Variants in ZNF875 observed in about 807,000 individuals in gnomAD.
The protein encoded by ZNF875 is zinc finger protein 875, also known as HKR1, GLI-Kruppel zinc finger family member.
In ZNF875, 14 loss-of-function variants were observed where a neutral mutation model predicts 11.2. That is an observed-to-expected ratio of 1.26 (90% CI 0.83 to 1.96). ZNF875 has a LOEUF of 1.96. Ranked by LOEUF, ZNF875 falls within the 30% of genes most tolerant of loss-of-function variation. The probability of loss-of-function intolerance (pLI) is 0.00; values close to 1 mark genes in which losing one functional copy is unlikely to be tolerated. For synonymous variants in ZNF875, 301 were observed against 281.1 expected (o/e 1.07, Z -0.71); for missense variants, 752 against 760.4 (o/e 0.99, Z 0.13).
rs749094008 is a variant in ZNF875, at chr19:37,347,195, C to G, written c.39C>G (p.Phe13Leu). The change falls in exon 3 of 5, where the codon TTC (phenylalanine) becomes TTG (leucine). Residue 13 changes from phenylalanine to leucine, a missense_variant. Transcript: ENST00000392153. ...TGLLRAKKEA[F>L]VAFRDVAVYF... The stretch of plus-strand genomic sequence containing the variant: ...AGGTGTGTTTTGTGTTAAAGGCGTT[C>G]GTGGCATTCAGGGATGTGGCTGTGT... The G allele has an allele frequency of 3.7e-6, 6 of 1,613,952 alleles. No individual in the cohort carries two copies. The South Asian group carries it at 6.6e-5, about 18-fold the overall frequency.
chr19:37,363,980 C>G lies in ZNF875; in HGVS notation c.*205C>G, dbSNP rs955206361. 1.8e-6 allele frequency: 1 copy of G among 564,384 alleles called. No homozygotes were observed. Among genetic ancestry groups the G allele is most frequent in the Non-Finnish European group, 3.2e-6 (1 of 315,906 alleles). 35.0% of individuals were successfully genotyped at this position (564,384 alleles called of 1,614,324 possible). A position where few individuals can be genotyped will look rare whatever the true frequency, so the allele number is the denominator to read the frequency against. On this transcript the variant is annotated 3_prime_UTR_variant, in exon 5 of 5. Coordinates refer to ENST00000392153, the MANE Select transcript of ZNF875 (RefSeq NM_001353803.2). ...TGAAGGAGAATTGCTGGCTCATTTT[C>G]AGGAGCCCTGCCCTTCCTCACTGTG...
intron 4 of ZNF875, chr19:37,324,294 T>G (rs941590189): frequency 6.6e-6 from 1 of 152,158 alleles, no homozygotes; most frequent in Non-Finnish European, 1.5e-5. Context: ...TCACCTGTGT[T>G]GTCTTCTAAT....
Position 37,362,307 on chromosome 19 carries a change from C to T in ZNF875, c.455C>T (p.Ala152Val), listed in dbSNP as rs1484730815. ...GATCCATTCTGCTTTAGTGGCAAAGCAGAATGGATTCAAGAGGGAGAAGAC... is the reference window on the plus strand; with the variant it reads ...GATCCATTCTGCTTTAGTGGCAAAGTAGAATGGATTCAAGAGGGAGAAGAC... ...QQDPFCFSGK[A>V]EWIQEGEDSR... is the part of the protein sequence containing the mutation. The change falls in exon 5 of 5, where the codon GCA becomes GTA. Residue 152 changes from alanine (A) to valine (V), a missense_variant. Coordinates refer to ENST00000392153, the MANE Select transcript of ZNF875 (RefSeq NM_001353803.2). The T allele has an allele frequency of 1.2e-6, 2 of 1,614,080 alleles. No homozygotes were observed. Among genetic ancestry groups the T allele is most frequent in the Non-Finnish European group, 1.7e-6 (2 of 1,180,006 alleles).
chr19:37,331,650 C>T (rs1441860188), upstream of ZNF875, among the ~76,000 whole-genome samples: 2 of 148,134 alleles, frequency 1.4e-5, no homozygotes, highest in African/African-American at 2.5e-5. Flanking sequence ...CATCACCACT[C>T]CCTAATCTCA....
chr19:37,363,782 T>A lies in ZNF875; in HGVS notation c.*7T>A, dbSNP rs1353870088. The A allele has an allele frequency of 6.2e-7, 1 of 1,609,684 alleles. No homozygotes were observed. The highest frequency in any genetic ancestry group is 1.1e-5 in the South Asian group (1 of 90,940). ...GAGGACACACTCAGGATAGAAACTT[T>A]ATGTGTATAGGGAATGTGGTACAGC... On this transcript the variant is annotated 3_prime_UTR_variant, in exon 5 of 5. Coordinates refer to ENST00000392153, the MANE Select transcript of ZNF875 (RefSeq NM_001353803.2).
chr19:37,350,707 T>A (rs2037713452), intron 4 of ZNF875, among the ~76,000 whole-genome samples: 1 of 151,490 alleles, frequency 6.6e-6, no homozygotes, highest in Non-Finnish European at 1.5e-5. Context: ...AACTCTTCTA[T>A]CACTACAAAG....
chr19:37,326,027 G>T (rs931200625), intron 4 of ZNF875, among the ~76,000 whole-genome samples: 21 of 151,744 alleles, frequency 1.4e-4, no homozygotes, highest in African/African-American at 4.8e-4. Context: ...TTTTTCTGAA[G>T]AGATGAGGTC....
At chr19:37,342,936 C>T (rs2036028075) in intron 2 of ZNF875, among the ~76,000 whole-genome samples, 1 of 152,202 alleles carries the variant, frequency 6.6e-6, no homozygotes, top group Non-Finnish European at 1.5e-5. Context: ...TTCCTGGATG[C>T]TTTCCAAGCC....
At chr19:37,352,928 GCA>G in intron 4 of ZNF875, among the ~76,000 whole-genome samples, 1 of 134,068 alleles carries the variant, frequency 7.5e-6, no homozygotes, top group African/African-American at 2.9e-5. Context: ...AGACTGGAGT[GCA>G]GTGGTGAGAT....
At chr19:37,336,373 C>G (rs1313851833) in intron 2 of ZNF875, among the ~76,000 whole-genome samples, 25 of 149,480 alleles carry the variant, frequency 1.7e-4, no homozygotes. Context: ...CATCTCGGCT[C>G]GCTGCAGACT....
chr19:37,328,959 A>T (rs1194769442), intron 4 of ZNF875: 3 of 152,120 alleles, frequency 2.0e-5, no homozygotes. Context: ...TATCAGTAGC[A>T]CCTGAAAATC....
In ZNF875 at chr19:37,363,238, G is replaced by T. The variant is rs1331030378; in HGVS notation, c.1386G>T (p.Lys462Asn). The T allele has an allele frequency of 1.2e-6, 2 of 1,613,992 alleles. No individual in the cohort carries two copies. The highest frequency in any genetic ancestry group is 1.7e-5 in the Admixed American group (1 of 60,002). Reference protein sequence around the residue: ...CLECGQCFSLKSNLNKHQRSH... With the variant: ...CLECGQCFSLNSNLNKHQRSH... ...AGTGCGGGCAGTGCTTTAGCCTGAA[G>T]TCAAACCTTAACAAACACCAGAGGT... The change falls in exon 5 of 5, where the codon AAG (lysine) becomes AAT (asparagine). Residue 462 changes from lysine (K) to asparagine (N), a missense_variant. Lys to Asn is a moderately conservative substitution (Grantham distance 94, BLOSUM62 0). Coordinates refer to ENST00000392153, the MANE Select transcript of ZNF875 (RefSeq NM_001353803.2).
At chr19:37,328,076 T>A (rs2145782195) in intron 4 of ZNF875, among the ~76,000 whole-genome samples, 1 of 152,100 alleles carries the variant, frequency 6.6e-6, no homozygotes, top group African/African-American at 2.4e-5. Context: ...ACCCCATCTT[T>A]ACTAAAAATA....
chr19:37,333,953 C>T (rs375538152), upstream of ZNF875, among the ~76,000 whole-genome samples: 3 of 152,104 alleles, frequency 2.0e-5, no homozygotes, highest in Non-Finnish European at 4.4e-5. Context: ...CCAAGCCGCA[C>T]CTGTACCCCA....
At position 37,363,437 on chromosome 19, in the gene ZNF875, T is replaced by A. The variant is rs61742682; in HGVS notation, c.1585T>A (p.Ser529Thr). ...STLISHQRTH[S>T]GEKPFMCREC... ...CCTCATTTCACACCAGAGGACACATTCAGGGGAAAAGCCTTTTATGTGCAG... is the reference window on the plus strand; with the variant it reads ...CCTCATTTCACACCAGAGGACACATACAGGGGAAAAGCCTTTTATGTGCAG... Residue 529 changes from serine to threonine, a missense_variant, in exon 5 of 5, where the codon TCA becomes ACA. Physicochemically the swap from Ser to Thr is moderately conservative, Grantham distance 58. Transcript: ENST00000392153. The A allele has an allele frequency of 7.5e-4, 1,211 of 1,613,892 alleles. 9 individuals are homozygous for A. In the African/African-American group the frequency reaches 0.015, roughly 19 times the overall value.
intron 4 of ZNF875, among the ~76,000 whole-genome samples, chr19:37,327,378 A>G (rs1183389363): frequency 6.6e-6 from 1 of 152,166 alleles, no homozygotes; most frequent in Admixed American, 6.5e-5. Flanking sequence ...TTTAGGATGT[A>G]ATATCTCACT....
At chr19:37,353,913 A>C (rs1490395919) in intron 4 of ZNF875, among the ~76,000 whole-genome samples, 1 of 151,786 alleles carries the variant, frequency 6.6e-6, no homozygotes, top group Non-Finnish European at 1.5e-5. Flanking sequence ...TCTAAGTTTT[A>C]TTTTCTATTC....
intron 2 of ZNF875, chr19:37,322,264 C>T (rs984932285): frequency 1.3e-5 from 2 of 152,162 alleles, no homozygotes; most frequent in East Asian, 1.9e-4. Flanking sequence ...ATTTTGGACT[C>T]ATTTTGTAGG....
intron 1 of ZNF875, among the ~76,000 whole-genome samples, chr19:37,321,418 CAT>C (rs971447075): frequency 4.4e-4 from 67 of 152,276 alleles, no homozygotes; most frequent in South Asian, 4.2e-4. Context: ...GAGATATTCA[CAT>C]GTTTTCCTGC....
Sources: allele counts gnomAD v4.1 joint callset (sites outside exome capture counted in the v4.1 genomes callset), GRCh38; gene constraint gnomAD v4.1.1; transcripts MANE v1.5; gene names NCBI Gene and HGNC (gene_info 2026-07-23, HGNC 2026-07-21).